Variants in TMC6 observed in about 807,000 individuals in gnomAD.
TMC6 encodes transmembrane channel-like protein 6.
TMC6 carries 71 observed loss-of-function variants against 95.4 expected under a neutral mutation model. The ratio of observed to expected loss-of-function variants is 0.74; its 90% CI spans 0.61 to 0.91. The LOEUF (loss-of-function observed/expected upper bound fraction) is 0.91. Ranked by LOEUF, TMC6 falls within the 40% of genes least tolerant of loss-of-function variation. TMC6 has a pLI of 0.00. For synonymous variants in TMC6, 514 were observed against 483.1 expected, an observed-to-expected ratio of 1.06 and a Z score of -0.84; for missense variants, 1,074 against 1,079.1, an observed-to-expected ratio of 1.00 and a Z score of 0.07.
At chr17:78,113,904 C>A (rs1211931188) in intron 18 of TMC6, 2 of 466,922 alleles carry the variant, frequency 4.3e-6, no homozygotes, top group African/African-American at 4.0e-5. Context: ...TTAAAACCAG[C>A]CCTGCCACGT....
rs1278089631 is a variant in TMC6, at chr17:78,110,334, C to T, written c.*2814G>A. On this transcript the variant is annotated 3_prime_UTR_variant, in exon 20 of 20. Coordinates refer to ENST00000590602, the MANE Select transcript of TMC6 (RefSeq NM_001127198.5). ...GACCAGCCTGACCATCATGGTGAAA[C>T]CCCATCTCTACTAAAAATACGAAGA... 1.3e-5 allele frequency: 2 copies of T among 152,132 alleles called. No homozygotes were observed. Among genetic ancestry groups the T allele is most frequent in the African/African-American group, 4.8e-5 (2 of 41,386 alleles). 9.4% of individuals were successfully genotyped at this position (152,132 alleles called of 1,614,324 possible). A position where few individuals can be genotyped will look rare whatever the true frequency, so the allele number is the denominator to read the frequency against.
In TMC6 at chr17:78,113,251, T is replaced by A. The variant is rs1184596339; in HGVS notation, c.2355-40A>T. 16 of 1,540,910 alleles carry A rather than the reference T, an allele frequency of 1.0e-5. No homozygotes were observed. The East Asian group carries it at 3.4e-4, about 33-fold the overall frequency. ...CATCACTGAGGGGACCCCATAAACA[T>A]CAACATCCCTGCAACCTGGCTGGGC... On this transcript the variant is annotated intron_variant, in intron 19 of 19. Coordinates refer to ENST00000590602, the MANE Select transcript of TMC6 (RefSeq NM_001127198.5).
In TMC6 at chr17:78,122,508, C is replaced by T. The variant is rs1032404181; in HGVS notation, c.1227+97G>A. Reference sequence around the variant, plus strand: ...TCAGCTCACGGACAGCTGGCCCTCCCTCTAGACCATGGTTCTGGTCACATG... The same window carrying T: ...TCAGCTCACGGACAGCTGGCCCTCCTTCTAGACCATGGTTCTGGTCACATG... On this transcript the variant is annotated intron_variant, in intron 10 of 19. Transcript: ENST00000590602. This position sits in a 1 kb window ranked among gnomAD's most constrained non-coding sequence, Gnocchi z 4.9. 1 of 1,555,792 alleles carries T rather than the reference C, an allele frequency of 6.4e-7. No individual in the cohort carries two copies. The highest frequency in any genetic ancestry group is 1.4e-5 in the African/African-American group (1 of 74,030).
At chr17:78,119,942 C>T (rs538067075) in intron 13 of TMC6, 48 of 343,466 alleles carry the variant, frequency 1.4e-4, no homozygotes, top group Admixed American at 2.7e-4. Context: ...GCCACCACAC[C>T]GGGCCTCCTA....
chr17:78,120,302 G>A, intron 13 of TMC6: 1 of 389,274 alleles, frequency 2.6e-6, no homozygotes, highest in Non-Finnish European at 5.0e-6. Flanking sequence ...TGGGACTACT[G>A]GTGTGCGCCA....
At chr17:78,132,082 C>T (rs533747613), upstream of TMC6, 5 of 1,533,996 alleles carry the variant, frequency 3.3e-6, no homozygotes, top group South Asian at 1.2e-5. Context: ...AGCCCCACTG[C>T]CCAGATCGGA....
intron 13 of TMC6, 65 bp downstream of exon 13, chr17:78,120,588 C>T (rs1342387274): frequency 9.2e-6 from 14 of 1,520,132 alleles, no homozygotes; most frequent in East Asian, 2.8e-5. Context: ...GAGAACCTCC[C>T]GGCCACACGT....
intron 18 of TMC6, among the ~76,000 whole-genome samples, chr17:78,115,511 G>A (rs1392154010): frequency 2.0e-5 from 3 of 152,320 alleles, no homozygotes; most frequent in South Asian, 2.1e-4. Context: ...GTTCCCCAGG[G>A]GAGGGGCCTC....
At chr17:78,118,916 C>G in intron 15 of TMC6, 55 bp downstream of exon 15, 1 of 1,539,880 alleles carries the variant, frequency 6.5e-7, no homozygotes, top group East Asian at 2.4e-5. Context: ...TGAGTCCTGC[C>G]CCCACTGCCG....
At chr17:78,120,545 G>T in intron 13 of TMC6, 108 bp downstream of exon 13, 1 of 1,502,742 alleles carries the variant, frequency 6.7e-7, no homozygotes, top group Non-Finnish European at 9.3e-7. Flanking sequence ...GAAGGGTGGA[G>T]ACACAGGGCC....
At position 78,121,744 on chromosome 17, in the gene TMC6, C is replaced by T; in HGVS notation, c.1228-33G>A. ...CGGCACCGTGTCCCCGTCACCCACA[C>T]CAGAGCACGGGCACACGCAGACGTG... is the stretch of plus-strand genomic sequence containing the variant. On this transcript the variant is annotated intron_variant, in intron 10 of 19. Transcript: ENST00000590602. This position sits in a 1 kb window ranked among gnomAD's most constrained non-coding sequence, Gnocchi z 5.6. The T allele has an allele frequency of 6.4e-7, 1 of 1,552,708 alleles. No individual in the cohort carries two copies.
upstream of TMC6, chr17:78,131,767 G>T: frequency 6.4e-7 from 1 of 1,561,576 alleles, no homozygotes; most frequent in Non-Finnish European, 8.6e-7. Context: ...CAGACGGTGC[G>T]TGGGGGGGGT....
intron 13 of TMC6, among the ~76,000 whole-genome samples, 199 bp from the exon 14 acceptor site, chr17:78,119,591 C>T (rs902716824): frequency 1.6e-4 from 24 of 152,156 alleles, no homozygotes; most frequent in African/African-American, 5.1e-4. Flanking sequence ...TAAGTAGGTT[C>T]GGATACACCC....
In TMC6 at chr17:78,118,113, G is replaced by A. The variant is rs143917164; in HGVS notation, c.1888-178C>T. On this transcript the variant is annotated intron_variant, in intron 15 of 19. Transcript: ENST00000590602. ...ACAGAAGCCTGCCGGTCACTTGCACGCAAACGGGTGATGCCAACAGCACCT... is the reference window on the plus strand; with the variant it reads ...ACAGAAGCCTGCCGGTCACTTGCACACAAACGGGTGATGCCAACAGCACCT... 412 of 1,116,024 alleles carry A rather than the reference G, an allele frequency of 3.7e-4. 2 individuals carry two copies. The African/African-American group carries it at 4.4e-3, about 12-fold the overall frequency. 69.1% of individuals were successfully genotyped at this position (1,116,024 alleles called of 1,614,324 possible).
At position 78,121,438 on chromosome 17, in the gene TMC6, G is replaced by A. The variant is rs1262002726; in HGVS notation, c.1383+118C>T. On this transcript the variant is annotated intron_variant, in intron 11 of 19. Coordinates refer to ENST00000590602, the MANE Select transcript of TMC6 (RefSeq NM_001127198.5). This position sits in a 1 kb window ranked among gnomAD's most constrained non-coding sequence, Gnocchi z 5.6. ...CCCCAGCACGGGGCACAGCGTACGT[G>A]GCACCCTGGGCTGGCTGGGTGGAGG... The A allele has an allele frequency of 3.9e-5, 60 of 1,524,568 alleles. No individual in the cohort carries two copies. The highest frequency in any genetic ancestry group is 2.7e-6 in the Non-Finnish European group (3 of 1,120,678). The allele number at this position is 1,524,568 out of a possible 1,614,324, so 94.4% of individuals were successfully genotyped here. A position where few individuals can be genotyped will look rare whatever the true frequency, so the allele number is the denominator to read the frequency against.
At chr17:78,131,984 G>A (rs2074999299), upstream of TMC6, 2 of 1,525,058 alleles carry the variant, frequency 1.3e-6, no homozygotes, top group African/African-American at 1.4e-5. Context: ...CGCAGCGGCT[G>A]GCCCGGGGCC....
chr17:78,129,743 A>G (rs11870628), upstream of TMC6, among the ~76,000 whole-genome samples: 675 of 152,254 alleles, frequency 4.4e-3, 9 homozygotes, highest in African/African-American at 0.015. The surrounding 1 kb of genome is among the most constrained non-coding windows in gnomAD (Gnocchi z 4.3). Context: ...GCACCCTGGC[A>G]TGGAGACCCA....
chr17:78,125,893 G>A lies in TMC6; in HGVS notation c.272-9C>T. 2 of 1,550,402 alleles carry A rather than the reference G, an allele frequency of 1.3e-6. No individual in the cohort carries two copies. Among genetic ancestry groups the A allele is most frequent in the Non-Finnish European group, 1.7e-6 (2 of 1,146,874 alleles). Reference sequence around the variant, plus strand: ...GGCACCTCGGCTGCGGCCTATGGAGGCAGCTGGGCAGGGCCGGGCCGGGCA... The same window carrying A: ...GGCACCTCGGCTGCGGCCTATGGAGACAGCTGGGCAGGGCCGGGCCGGGCA... On this transcript the variant is annotated splice_polypyrimidine_tract_variant and intron_variant, in intron 4 of 19. Coordinates refer to ENST00000590602, the MANE Select transcript of TMC6 (RefSeq NM_001127198.5).
rs2073861178 is a variant in TMC6 at position 78,112,834 on chromosome 17, C to A, written c.*314G>T. 4.4e-6 allele frequency: 2 copies of A among 458,578 alleles called. No homozygotes were observed. Among genetic ancestry groups the A allele is most frequent in the Non-Finnish European group, 3.9e-6 (1 of 255,736 alleles). 28.4% of individuals were successfully genotyped at this position (458,578 alleles called of 1,614,324 possible). A position where few individuals can be genotyped will look rare whatever the true frequency, so the allele number is the denominator to read the frequency against. On this transcript the variant is annotated 3_prime_UTR_variant, in exon 20 of 20. Transcript: ENST00000590602. ...CCACTCCAGCTGAGGTTCCCAGGAC[C>A]CAGACCTGCGCCTGGAGGTGGCCCC...
Sources: allele counts gnomAD v4.1 joint callset (sites outside exome capture counted in the v4.1 genomes callset), GRCh38; gene constraint gnomAD v4.1.1; non-coding constraint Gnocchi (gnomAD v3.1); transcripts MANE v1.5; gene names NCBI Gene and HGNC (gene_info 2026-07-23, HGNC 2026-07-21).